The following TBC1D5 variants were observed in gnomAD, a reference collection of about 807,000 sequenced individuals.
The protein encoded by TBC1D5 is TBC1 domain family member 5.
A neutral mutation model predicts 100.3 loss-of-function variants in TBC1D5; 75 were observed. The ratio of observed to expected loss-of-function variants is 0.75; its 90% CI spans 0.62 to 0.91. TBC1D5 has a LOEUF of 0.91. Among genes scored for constraint, TBC1D5 ranks in the 40% least tolerant of loss-of-function variants. The probability of loss-of-function intolerance (pLI) is 0.00; values close to 1 mark genes in which losing one functional copy is unlikely to be tolerated. For synonymous variants in TBC1D5, 323 were observed against 325.6 expected (o/e 0.99, Z 0.09); for missense variants, 910 against 942.4 (o/e 0.97, Z 0.45).
At chr3:17,668,922 T>C (rs13065637) in intron 1 of TBC1D5, among the ~76,000 whole-genome samples, 86,790 of 151,826 alleles carry the variant, frequency 0.57, 25,620 homozygotes, top group East Asian at 0.99. Flanking sequence ...AGCTCCCCCA[T>C]CTCCAAGTTG....
chr3:17,327,679 G>C (rs762442540), intron 13 of TBC1D5, among the ~76,000 whole-genome samples: 1 of 152,054 alleles, frequency 6.6e-6, no homozygotes, highest in Non-Finnish European at 1.5e-5. Context: ...GTACTCCTTA[G>C]ATCCCTTCCC....
At chr3:17,183,917 T>C (rs1405512744) in intron 19 of TBC1D5, among the ~76,000 whole-genome samples, 1 of 152,178 alleles carries the variant, frequency 6.6e-6, no homozygotes, top group Non-Finnish European at 1.5e-5. Flanking sequence ...CATCCTGATT[T>C]CTTATAATAC....
intron 1 of TBC1D5, among the ~76,000 whole-genome samples, chr3:17,625,126 A>G (rs190521147): frequency 4.0e-4 from 61 of 152,246 alleles, no homozygotes; most frequent in Non-Finnish European, 8.1e-4. Flanking sequence ...AAGAGCAAAC[A>G]TTTGAATTTA....
chr3:17,710,015 G>A (rs1274680824), intron 1 of TBC1D5, among the ~76,000 whole-genome samples: 5 of 152,094 alleles, frequency 3.3e-5, no homozygotes, highest in Non-Finnish European at 7.3e-5. Flanking sequence ...TTATTTAGAA[G>A]CCTTGTGCTC....
intron 3 of TBC1D5, among the ~76,000 whole-genome samples, chr3:17,480,154 C>A (rs1282009966): frequency 1.3e-5 from 2 of 152,222 alleles, no homozygotes; most frequent in African/African-American, 4.8e-5. Flanking sequence ...CCCCTGCCAC[C>A]TCAGTCCCTT....
chr3:17,665,145 G>T (rs896684513), intron 1 of TBC1D5: 1 of 151,160 alleles, frequency 6.6e-6, no homozygotes, highest in African/African-American at 2.4e-5. Flanking sequence ...TAGCTGTCAA[G>T]GTGCAACTCT....
At chr3:17,606,929 A>C (rs1270197505) in intron 2 of TBC1D5, among the ~76,000 whole-genome samples, 1 of 152,198 alleles carries the variant, frequency 6.6e-6, no homozygotes, top group Admixed American at 6.6e-5. Context: ...GAGAGGAAAA[A>C]AATGATAAGA....
At chr3:17,323,472 T>C (rs1331822593) in intron 13 of TBC1D5, among the ~76,000 whole-genome samples, 1 of 151,972 alleles carries the variant, frequency 6.6e-6, no homozygotes, top group Non-Finnish European at 1.5e-5. Context: ...CCCAAACAAC[T>C]GTACAAAAAC....
exon 16 of TBC1D5, chr3:17,258,582 T>C: frequency 6.2e-7 from 1 of 1,612,274 alleles, no homozygotes; most frequent in Non-Finnish European, 8.5e-7. Context: ...GTCACTGGTC[T>C]TGGATTTCTC....
At chr3:17,176,651 A>G (rs2247855) in intron 19 of TBC1D5, among the ~76,000 whole-genome samples, 115,731 of 151,758 alleles carry the variant, frequency 0.76, 44,890 homozygotes, top group East Asian at 0.92. Flanking sequence ...GGCCTGTTGG[A>G]GGGTGAGGGG....
At chr3:17,425,975 A>G (rs1559860170) in intron 4 of TBC1D5, among the ~76,000 whole-genome samples, 1 of 152,188 alleles carries the variant, frequency 6.6e-6, no homozygotes, top group Non-Finnish European at 1.5e-5. Context: ...GATAGATAAG[A>G]AACTAAAGTA....
At chr3:17,402,048 CAA>C (rs1191625684) in intron 8 of TBC1D5, among the ~76,000 whole-genome samples, 1 of 152,058 alleles carries the variant, frequency 6.6e-6, no homozygotes, top group East Asian at 1.9e-4. Context: ...TCAAGCTAAC[CAA>C]AATCATCCCA....
chr3:17,208,138 G>A (rs1454701313), intron 18 of TBC1D5, among the ~76,000 whole-genome samples: 1 of 152,262 alleles, frequency 6.6e-6, no homozygotes, highest in Non-Finnish European at 1.5e-5. Context: ...CCCAGTCATA[G>A]GTTCTGGTGT....
intron 2 of TBC1D5, among the ~76,000 whole-genome samples, chr3:17,620,714 T>C (rs144844854): frequency 6.6e-6 from 1 of 152,324 alleles, no homozygotes; most frequent in East Asian, 1.9e-4. Context: ...TTTCTGAGTA[T>C]ACCTTTTTGT....
intron 13 of TBC1D5, among the ~76,000 whole-genome samples, chr3:17,339,913 A>G (rs541672436): frequency 6.6e-6 from 1 of 152,380 alleles, no homozygotes; most frequent in East Asian, 1.9e-4. Flanking sequence ...CAAAGTTTAC[A>G]TTTTGAAATG....
At chr3:17,522,551 A>G (rs1440653141) in intron 2 of TBC1D5, among the ~76,000 whole-genome samples, 1 of 152,166 alleles carries the variant, frequency 6.6e-6, no homozygotes, top group Non-Finnish European at 1.5e-5. Flanking sequence ...ACTTCAATGA[A>G]TACTAAAAAA....
chr3:17,560,242 A>T (rs2096549742), intron 2 of TBC1D5, among the ~76,000 whole-genome samples: 1 of 152,238 alleles, frequency 6.6e-6, no homozygotes, highest in Non-Finnish European at 1.5e-5. Context: ...TCAGCAGGTC[A>T]AACAACTCAG....
intron 15 of TBC1D5, among the ~76,000 whole-genome samples, chr3:17,285,027 G>A (rs1184399119): frequency 6.6e-6 from 1 of 151,604 alleles, no homozygotes; most frequent in Non-Finnish European, 1.5e-5. Flanking sequence ...TTGAAGAATG[G>A]CAGTTTTCTA....
intron 1 of TBC1D5, among the ~76,000 whole-genome samples, chr3:17,666,021 GC>G (rs2067219488): frequency 6.6e-6 from 1 of 152,116 alleles, no homozygotes; most frequent in Admixed American, 6.5e-5. Context: ...TAGAAACAAA[GC>G]TAAATAGAAC....
Sources: allele counts gnomAD v4.1 joint callset (sites outside exome capture counted in the v4.1 genomes callset), GRCh38; gene constraint gnomAD v4.1.1; transcripts MANE v1.5; gene names NCBI Gene and HGNC (gene_info 2026-07-23, HGNC 2026-07-21).